Variants in ANKRD10 observed in about 807,000 individuals in gnomAD.
The protein encoded by ANKRD10 is ankyrin repeat domain 10.
In ANKRD10, 14 loss-of-function variants were observed where a neutral mutation model predicts 27.0. The ratio of observed to expected loss-of-function variants is 0.52; its 90% CI spans 0.34 to 0.81. The LOEUF (loss-of-function observed/expected upper bound fraction) is 0.81, where lower values mean the gene tolerates loss of function less well. Among genes scored for constraint, ANKRD10 ranks in the 40% least tolerant of loss-of-function variants. The probability of loss-of-function intolerance (pLI) is 0.01; values close to 1 mark genes in which losing one functional copy is unlikely to be tolerated. For synonymous variants in ANKRD10, 250 were observed against 224.5 expected, an observed-to-expected ratio of 1.11 and a Z score of -1.01; for missense variants, 493 against 544.0, an observed-to-expected ratio of 0.91 and a Z score of 0.93.
Position 110,879,997 on chromosome 13 carries a change from C to G in ANKRD10, c.903G>C (p.Gln301His). The G allele has an allele frequency of 6.2e-7, 1 of 1,614,234 alleles. No individual in the cohort carries two copies. Among genetic ancestry groups the G allele is most frequent in the Non-Finnish European group, 8.5e-7 (1 of 1,180,042 alleles). Residue 301 changes from glutamine (Q) to histidine (H), a missense_variant, in exon 6 of 6, where the codon CAG (glutamine) becomes CAC (histidine). Transcript: ENST00000267339. ...TAATTCCGTTAGTTCCTGTCAAGCA[C>G]TGGCCATTCCTGCTTTCCATCCCAC... ...PLSGMESRNG[Q>H]CLTGTNGISS...
intron 5 of ANKRD10, among the ~76,000 whole-genome samples, chr13:110,881,032 C>T (rs1289162196): frequency 6.6e-6 from 1 of 152,168 alleles, no homozygotes; most frequent in Non-Finnish European, 1.5e-5. Flanking sequence ...GATAAAACGT[C>T]CATCATGGAA....
In ANKRD10 at chr13:110,889,851, G is replaced by A. The variant is rs74125969; in HGVS notation, c.691+3177C>T. 5.3e-3 allele frequency among the ~76,000 whole-genome samples: 806 copies of A among 152,174 alleles called. 7 individuals carry two copies. The highest frequency in any genetic ancestry group is 0.019 in the African/African-American group (779 of 41,500). On this transcript the variant is annotated intron_variant, in intron 4 of 5. Coordinates refer to ENST00000267339, the MANE Select transcript of ANKRD10 (RefSeq NM_017664.4). ...CAATATTTGTAACTCTTAAATTCTA[G>A]GAAAACAGAACGCACTAAGTTTTAT...
chr13:110,907,079 C>CTTTTTTTTTTTTT (rs1158701462), intron 2 of ANKRD10, among the ~76,000 whole-genome samples: 17 of 250 alleles, frequency 0.068, 8 homozygotes, highest in African/African-American at 0.073. Flanking sequence ...AGCAACACTT[C>CTTTTTTTTTTTTT]TTTTTTTTTT....
intron 1 of ANKRD10, among the ~76,000 whole-genome samples, chr13:110,912,187 T>A (rs1028123085): frequency 6.6e-6 from 1 of 152,240 alleles, no homozygotes; most frequent in South Asian, 2.1e-4. Flanking sequence ...CCAATCACAA[T>A]GCAGTTAGGG....
intron 4 of ANKRD10, among the ~76,000 whole-genome samples, chr13:110,884,416 A>G (rs1429223516): frequency 6.6e-6 from 1 of 152,200 alleles, no homozygotes; most frequent in African/African-American, 2.4e-5. Context: ...CGAATGCCCC[A>G]TGTCATACCC....
intron 4 of ANKRD10, among the ~76,000 whole-genome samples, chr13:110,884,216 C>G (rs183639088): frequency 0.012 from 1,770 of 151,600 alleles, 27 homozygotes; most frequent in African/African-American, 0.04. Context: ...TTTCCATTAA[C>G]AAAAAAAATA....
chr13:110,894,675 A>C (rs1436512735), intron 3 of ANKRD10: 1 of 152,394 alleles, frequency 6.6e-6, no homozygotes, highest in African/African-American at 2.4e-5. Flanking sequence ...AGAATCTCAG[A>C]AACCAACAAA....
intron 3 of ANKRD10, among the ~76,000 whole-genome samples, chr13:110,902,049 G>GAAAAAAAAAAAAAAAAAAAAAAA (rs10656736): frequency 8.7e-6 from 1 of 115,418 alleles, no homozygotes; most frequent in African/African-American, 3.4e-5. Context: ...TCTCTTTTTA[G>GAAAAAAAAAAAAAAAAAAAAAAA]AAAAAAAAAA....
At chr13:110,910,508 TA>T in intron 2 of ANKRD10, 109 bp downstream of exon 2, 1 of 1,363,858 alleles carries the variant, frequency 7.3e-7, no homozygotes, top group Non-Finnish European at 1.0e-6. Context: ...TGCCCTCAGG[TA>T]AAGATATCAA....
At chr13:110,896,045 A>C (rs370997838) in intron 3 of ANKRD10, among the ~76,000 whole-genome samples, 157 of 152,352 alleles carry the variant, frequency 1.0e-3, no homozygotes, top group African/African-American at 3.5e-3. Context: ...CGTAAGGACC[A>C]AGGAAGCAAG....
intron 3 of ANKRD10, among the ~76,000 whole-genome samples, chr13:110,896,014 C>T (rs2065216882): frequency 6.6e-6 from 1 of 152,164 alleles, no homozygotes; most frequent in South Asian, 2.1e-4. Context: ...GATTCTGGCC[C>T]AATCATGCTA....
chr13:110,889,347 T>C (rs2065016432), intron 4 of ANKRD10, among the ~76,000 whole-genome samples: 1 of 152,204 alleles, frequency 6.6e-6, no homozygotes, highest in African/African-American at 2.4e-5. Context: ...GAAAGTATTA[T>C]CCCAAGATAC....
chr13:110,893,301 C>A, intron 3 of ANKRD10, 38 bp from the exon 4 acceptor site: 1 of 1,595,386 alleles, frequency 6.3e-7, no homozygotes, highest in East Asian at 2.3e-5. Context: ...ACCCCATCCG[C>A]GTGCTAACCT....
rs186552453 is a variant in ANKRD10 at position 110,886,629 on chromosome 13, G to C, written c.692-2836C>G. On this transcript the variant is annotated intron_variant, in intron 4 of 5. Transcript: ENST00000267339. ...TAAAACTGGCCTCTCAAAATTTTAA[G>C]AACATTGGATTTGGACCTGTAAGAC... 2.3e-4 allele frequency among the ~76,000 whole-genome samples: 35 copies of C among 152,250 alleles called. No homozygotes were observed. The East Asian group carries it at 3.9e-3, about 17-fold the overall frequency.
intron 3 of ANKRD10, among the ~76,000 whole-genome samples, chr13:110,897,600 T>C (rs2065263836): frequency 6.6e-6 from 1 of 152,194 alleles, no homozygotes; most frequent in South Asian, 2.1e-4. Flanking sequence ...TTTTATCTGT[T>C]CATTTGCTGA....
At chr13:110,888,135 A>G (rs2064981852) in intron 4 of ANKRD10, among the ~76,000 whole-genome samples, 2 of 151,882 alleles carry the variant, frequency 1.3e-5, no homozygotes, top group Admixed American at 1.3e-4. Flanking sequence ...AGCAGCGACA[A>G]AGGACAGAGA....
chr13:110,905,931 T>A (rs1301509590), intron 3 of ANKRD10, 102 bp downstream of exon 3: 38 of 1,128,970 alleles, frequency 3.4e-5, no homozygotes, highest in Admixed American at 5.7e-5. Context: ...TTACTAATTT[T>A]GAAAACAAAG....
At chr13:110,889,636 C>T (rs2065023867) in intron 4 of ANKRD10, among the ~76,000 whole-genome samples, 1 of 152,218 alleles carries the variant, frequency 6.6e-6, no homozygotes, top group Non-Finnish European at 1.5e-5. Flanking sequence ...AAGTAGTTTA[C>T]TAAAAGCAGA....
chr13:110,885,793 C>A (rs1039173747), intron 4 of ANKRD10, among the ~76,000 whole-genome samples: 9 of 152,200 alleles, frequency 5.9e-5, no homozygotes, highest in Non-Finnish European at 8.8e-5. Context: ...ACAATGCAGA[C>A]AGCTTAAAAT....
Sources: allele counts gnomAD v4.1 joint callset (sites outside exome capture counted in the v4.1 genomes callset), GRCh38; gene constraint gnomAD v4.1.1; transcripts MANE v1.5; gene names NCBI Gene and HGNC (gene_info 2026-07-23, HGNC 2026-07-21).